MCTP1: variants seen among roughly 807,000 people sequenced by gnomAD.
MCTP1 encodes the protein multiple C2 and transmembrane domain containing 1.
In MCTP1, 69 loss-of-function variants were observed where a neutral mutation model predicts 120.6. The observed-to-expected ratio is 0.57, with a 90% CI of 0.47 to 0.70. The LOEUF (loss-of-function observed/expected upper bound fraction) is 0.70. Ranked by LOEUF, MCTP1 falls within the 30% of genes least tolerant of loss-of-function variation. The probability of loss-of-function intolerance (pLI) is 0.00; values close to 1 mark genes in which losing one functional copy is unlikely to be tolerated. For missense variants in MCTP1, 1,203 were observed against 1,248.8 expected (o/e 0.96, Z 0.55); for synonymous variants, 529 against 493.1 (o/e 1.07, Z -0.96).
intron 1 of MCTP1, among the ~76,000 whole-genome samples, chr5:95,266,765 G>C (rs1187719973): frequency 6.6e-6 from 1 of 152,212 alleles, no homozygotes; most frequent in Admixed American, 6.5e-5. Context: ...TCAAAGCAGA[G>C]ATTGGCAAAC....
intron 17 of MCTP1, among the ~76,000 whole-genome samples, chr5:94,818,718 C>T (rs917502860): frequency 2.7e-4 from 41 of 152,294 alleles, no homozygotes; most frequent in African/African-American, 8.9e-4. Context: ...TTCTCAATGG[C>T]CTCCTGGTAA....
chr5:95,098,499 C>A (rs1240235721), intron 1 of MCTP1, among the ~76,000 whole-genome samples: 1 of 152,074 alleles, frequency 6.6e-6, no homozygotes, highest in African/African-American at 2.4e-5. Flanking sequence ...AGAGCCAAAT[C>A]ATGAGTGAAC....
intron 12 of MCTP1, among the ~76,000 whole-genome samples, chr5:94,888,492 G>T (rs1248681418): frequency 6.6e-6 from 1 of 152,148 alleles, no homozygotes; most frequent in Non-Finnish European, 1.5e-5. Flanking sequence ...AAAATTTTCA[G>T]CAAAATGTGC....
chr5:95,162,376 T>C (rs1024055990), intron 1 of MCTP1, among the ~76,000 whole-genome samples: 4 of 152,182 alleles, frequency 2.6e-5, no homozygotes, highest in Non-Finnish European at 4.4e-5. Context: ...TCAACACTTC[T>C]TTGTTGGCCT....
chr5:94,748,978 AGTTTT>A (rs1310573772), intron 19 of MCTP1, among the ~76,000 whole-genome samples: 1 of 152,120 alleles, frequency 6.6e-6, no homozygotes, highest in Non-Finnish European at 1.5e-5. Context: ...CAAGAAATAC[AGTTTT>A]GTTTTGTTTT....
At chr5:95,043,768 A>G (rs1842729992) in intron 1 of MCTP1, among the ~76,000 whole-genome samples, 1 of 152,170 alleles carries the variant, frequency 6.6e-6, no homozygotes, top group African/African-American at 2.4e-5. Flanking sequence ...TTTTATGTTA[A>G]GCAATTTTTA....
chr5:95,245,465 T>C (rs1293957342), intron 1 of MCTP1, among the ~76,000 whole-genome samples: 1 of 151,926 alleles, frequency 6.6e-6, no homozygotes, highest in Admixed American at 6.6e-5. Flanking sequence ...GAATAAACAG[T>C]GTAGAGAAGA....
chr5:95,014,170 G>A (rs1029684904), intron 2 of MCTP1, among the ~76,000 whole-genome samples: 7 of 152,196 alleles, frequency 4.6e-5, no homozygotes, highest in South Asian at 2.1e-4. Flanking sequence ...AGGCTGAGGC[G>A]AGAGGGTGCA....
intron 2 of MCTP1, among the ~76,000 whole-genome samples, chr5:95,007,779 C>A (rs181924887): frequency 6.6e-6 from 1 of 152,154 alleles, no homozygotes. Context: ...TTTCCCATTC[C>A]CCAGGCTTTT....
chr5:95,248,574 C>G (rs191409966), intron 1 of MCTP1, among the ~76,000 whole-genome samples: 21 of 152,124 alleles, frequency 1.4e-4, no homozygotes, highest in Admixed American at 6.5e-4. Context: ...GAATCAATAT[C>G]GTAAAAATGG....
intron 1 of MCTP1, among the ~76,000 whole-genome samples, chr5:95,053,311 A>G (rs1746497877): frequency 6.6e-6 from 1 of 152,226 alleles, no homozygotes; most frequent in African/African-American, 2.4e-5. Flanking sequence ...ACTCCAAAGT[A>G]GACATAACTC....
intron 2 of MCTP1, among the ~76,000 whole-genome samples, chr5:94,984,804 C>T (rs1057190410): frequency 1.3e-5 from 2 of 151,892 alleles, no homozygotes; most frequent in African/African-American, 4.8e-5. Flanking sequence ...AGGTAAATCA[C>T]CTAAGAACAC....
chr5:95,025,320 G>T (rs1349324137), intron 1 of MCTP1, among the ~76,000 whole-genome samples: 1 of 152,166 alleles, frequency 6.6e-6, no homozygotes, highest in Admixed American at 6.6e-5. Context: ...AATGGGGAAA[G>T]TACAGTCTCT....
chr5:95,084,239 TA>T (rs964101506), intron 1 of MCTP1, among the ~76,000 whole-genome samples: 15 of 152,098 alleles, frequency 9.9e-5, no homozygotes, highest in African/African-American at 2.9e-4. Flanking sequence ...ATGTTACATT[TA>T]AAAAAAATTT....
intron 17 of MCTP1, among the ~76,000 whole-genome samples, chr5:94,836,801 A>G (rs2153185662): frequency 6.6e-6 from 1 of 152,362 alleles, no homozygotes; most frequent in Admixed American, 6.5e-5. Flanking sequence ...GGTAATTATT[A>G]GATCCTGCTC....
rs1275372723 is a variant in MCTP1, at chr5:94,704,214, G to A, written c.*3282C>T. On this transcript the variant is annotated 3_prime_UTR_variant, in exon 23 of 23. Coordinates refer to ENST00000515393, the MANE Select transcript of MCTP1 (RefSeq NM_024717.7). ...ATCATCTGTACACTCACTCACACTA[G>A]AGTGTGAAATCACGCTATTCATTTA... 1 of 151,524 alleles carries A rather than the reference G, an allele frequency of 6.6e-6. No individual in the cohort carries two copies. The highest frequency in any genetic ancestry group is 1.5e-5 in the Non-Finnish European group (1 of 67,700). 9.4% of individuals were successfully genotyped at this position (151,524 alleles called of 1,614,324 possible). A position where few individuals can be genotyped will look rare whatever the true frequency, so the allele number is the denominator to read the frequency against.
intron 6 of MCTP1, among the ~76,000 whole-genome samples, chr5:94,924,275 A>T (rs922488368): frequency 7.9e-5 from 12 of 152,046 alleles, no homozygotes; most frequent in Admixed American, 2.0e-4. Context: ...GTATTCATTA[A>T]TATATTTTAG....
chr5:95,138,181 C>T (rs1203819079), intron 1 of MCTP1, among the ~76,000 whole-genome samples: 1 of 151,826 alleles, frequency 6.6e-6, no homozygotes, highest in African/African-American at 2.4e-5. Flanking sequence ...TGCTACTGAA[C>T]TCACTATGAT....
chr5:94,981,854 G>A lies in MCTP1; in HGVS notation c.839-28493C>T, dbSNP rs138256199. Among the ~76,000 whole-genome samples, 362 of 152,214 alleles carry A rather than the reference G, an allele frequency of 2.4e-3. 1 individual carries two copies. The highest frequency in any genetic ancestry group is 8.4e-3 in the African/African-American group (347 of 41,542). On this transcript the variant is annotated intron_variant, in intron 2 of 22. Coordinates refer to ENST00000515393, the MANE Select transcript of MCTP1 (RefSeq NM_024717.7). Reference sequence around the variant, plus strand: ...GGAGATGAAATCAGAGCTGAGTGGGGCAACAGATCATGTGGGGCTCTGTAG... The same window carrying A: ...GGAGATGAAATCAGAGCTGAGTGGGACAACAGATCATGTGGGGCTCTGTAG...
Sources: allele counts gnomAD v4.1 joint callset (sites outside exome capture counted in the v4.1 genomes callset), GRCh38; gene constraint gnomAD v4.1.1; transcripts MANE v1.5; gene names NCBI Gene and HGNC (gene_info 2026-07-23, HGNC 2026-07-21).